TMA16: variants seen among roughly 807,000 people sequenced by gnomAD.
The protein encoded by TMA16 is translation machinery associated 16 homolog.
TMA16 carries 26 observed loss-of-function variants against 27.1 expected under a neutral mutation model. The observed-to-expected ratio is 0.96, with a 90% CI of 0.70 to 1.33. The LOEUF is 1.33. Ranked by LOEUF, TMA16 falls within the 40% of genes most tolerant of loss-of-function variation. TMA16 has a pLI of 0.00. For missense variants in TMA16, 233 were observed against 241.4 expected, an observed-to-expected ratio of 0.97 and a Z score of 0.23; for synonymous variants, 71 against 81.9, an observed-to-expected ratio of 0.87 and a Z score of 0.72.
chr4:163,515,316 C>G lies in TMA16; in HGVS notation c.243C>G (p.Tyr81Ter), dbSNP rs972794391. ...KKDACELIER[Y>*]LNRFSSELEQ... ...AAATCATTTTCGTATTTTTCAGGTA[C>G]TTAAATCGATTCAGCAGTGAGCTGG... The change falls in exon 5 of 7, where the codon TAC becomes TAG. Residue 81 changes from tyrosine to a stop codon, truncating the protein, a stop_gained. Transcript: ENST00000358572. LOFTEE classifies it high-confidence loss of function. The G allele has an allele frequency of 1.2e-6, 2 of 1,605,998 alleles. No homozygotes were observed. The highest frequency in any genetic ancestry group is 1.7e-5 in the Admixed American group (1 of 57,668).
rs746239741 is a variant in TMA16, at chr4:163,515,434, C to T, written c.361C>T (p.Arg121Ter). The change falls in exon 5 of 7, where the codon CGA (arginine) becomes TGA (stop). Residue 121 changes from arginine (R) to a stop codon, truncating the protein, a stop_gained. Transcript: ENST00000358572. LOFTEE classifies it high-confidence loss of function. ...TVIKQTMERE[R>*]QQFEGYGLEI... is the part of the protein sequence containing the mutation. ...CATCAAGCAGACGATGGAGCGGGAG[C>T]GACAGCAGTTTGAGGGATATGGCCT... 13 of 1,613,814 alleles carry T rather than the reference C, an allele frequency of 8.1e-6. No individual in the cohort carries two copies. The highest frequency in any genetic ancestry group is 6.7e-5 in the Admixed American group (4 of 59,976).
chr4:163,499,802 A>T (rs1311348859), intron 1 of TMA16, among the ~76,000 whole-genome samples: 1 of 152,136 alleles, frequency 6.6e-6, no homozygotes, highest in East Asian at 1.9e-4. Flanking sequence ...GAATACCCAG[A>T]TGTGAAGCCT....
chr4:163,509,051 A>T (rs1266185897), intron 2 of TMA16, among the ~76,000 whole-genome samples: 1 of 152,206 alleles, frequency 6.6e-6, no homozygotes, highest in Non-Finnish European at 1.5e-5. Flanking sequence ...ATTTTCAAAA[A>T]GTCACTCTCT....
In TMA16 at chr4:163,494,765, G is replaced by C. The variant is rs1241408414; in HGVS notation, c.-37G>C. 6.2e-7 allele frequency: 1 copy of C among 1,612,968 alleles called. No individual in the cohort carries two copies. The highest frequency in any genetic ancestry group is 8.5e-7 in the Non-Finnish European group (1 of 1,180,026). On this transcript the variant is annotated 5_prime_UTR_variant, in exon 1 of 7. Transcript: ENST00000358572. ...CGGTTGGTGAGATTACCTGGGTCTA[G>C]AGTGCGGAGCTGCTCCGTGGCCACG...
chr4:163,497,502 A>T (rs1397992052), intron 1 of TMA16, among the ~76,000 whole-genome samples: 1 of 152,222 alleles, frequency 6.6e-6, no homozygotes, highest in Admixed American at 6.5e-5. Context: ...CTTAACTGAG[A>T]TAAAATTAAG....
chr4:163,515,619 T>C, intron 5 of TMA16, 158 bp downstream of exon 5: 1 of 852,510 alleles, frequency 1.2e-6, no homozygotes, highest in Non-Finnish European at 1.7e-6. Context: ...TTGGATTCTT[T>C]TTTTTTCCCC....
intron 1 of TMA16, among the ~76,000 whole-genome samples, chr4:163,502,819 A>T (rs1737665745): frequency 6.6e-6 from 1 of 152,148 alleles, no homozygotes; most frequent in Non-Finnish European, 1.5e-5. Flanking sequence ...CTGCAAAAAA[A>T]GTGTAGATTT....
intron 5 of TMA16, 42 bp from the exon 6 acceptor site, chr4:163,517,392 A>G: frequency 1.3e-6 from 2 of 1,542,382 alleles, no homozygotes; most frequent in Non-Finnish European, 1.8e-6. Flanking sequence ...TATGTGATTT[A>G]GAAAACATTG....
intron 1 of TMA16, among the ~76,000 whole-genome samples, chr4:163,503,301 A>C (rs972100291): frequency 6.6e-6 from 1 of 151,576 alleles, no homozygotes; most frequent in Admixed American, 6.6e-5. Context: ...AGTTGTAGGC[A>C]TGGGTTTGGT....
intron 1 of TMA16, 165 bp downstream of exon 1, chr4:163,494,969 C>A (rs995961507): frequency 9.9e-7 from 1 of 1,008,834 alleles, no homozygotes; most frequent in Non-Finnish European, 1.4e-6. Context: ...CTCTGGGAGG[C>A]GAGTCCCAGG....
chr4:163,517,487 C>G lies in TMA16; in HGVS notation c.431+11C>G, dbSNP rs751009473. On this transcript the variant is annotated intron_variant, in intron 6 of 6. Coordinates refer to ENST00000358572, the MANE Select transcript of TMA16 (RefSeq NM_018352.3). ...TCTGAAAACATTTAGGTGAGTCTGT[C>G]TTGTATTGTTCCCCTGAAGCTGTGT... The G allele has an allele frequency of 4.3e-6, 7 of 1,611,962 alleles. No homozygotes were observed. The highest frequency in any genetic ancestry group is 5.9e-6 in the Non-Finnish European group (7 of 1,178,962).
At chr4:163,499,279 G>T (rs1000345619) in intron 1 of TMA16, among the ~76,000 whole-genome samples, 41 of 151,818 alleles carry the variant, frequency 2.7e-4, no homozygotes, top group African/African-American at 9.9e-4. Context: ...TTTGTTTTTA[G>T]CTTGGTTTAT....
intron 2 of TMA16, among the ~76,000 whole-genome samples, chr4:163,508,788 C>T (rs1254107649): frequency 6.6e-6 from 1 of 152,076 alleles, no homozygotes; most frequent in Non-Finnish European, 1.5e-5. Context: ...TCATTGTGAC[C>T]GTGAGCCTAC....
chr4:163,500,701 G>A (rs777438974), intron 1 of TMA16, among the ~76,000 whole-genome samples: 12 of 152,120 alleles, frequency 7.9e-5, no homozygotes, highest in Admixed American at 6.5e-4. Flanking sequence ...TAATCTATTC[G>A]CCTGCTCCTT....
intron 6 of TMA16, among the ~76,000 whole-genome samples, chr4:163,518,318 G>A (rs1737916728): frequency 6.6e-6 from 1 of 152,156 alleles, no homozygotes; most frequent in Non-Finnish European, 1.5e-5. Context: ...CTTCTTGATA[G>A]CAGCCTTGAC....
At chr4:163,497,679 C>T (rs7658704) in intron 1 of TMA16, among the ~76,000 whole-genome samples, 2,545 of 152,290 alleles carry the variant, frequency 0.017, 64 homozygotes, top group African/African-American at 0.057. Flanking sequence ...CTCCTGCCTT[C>T]CTCTTACATG....
At chr4:163,511,044 C>G (rs1382001265) in intron 2 of TMA16, among the ~76,000 whole-genome samples, 7 of 152,170 alleles carry the variant, frequency 4.6e-5, no homozygotes, top group Non-Finnish European at 8.8e-5. Flanking sequence ...GTTAGGTTAA[C>G]ACACTTAAGA....
Position 163,519,428 on chromosome 4 carries a change from A to G in TMA16, c.526A>G (p.Ile176Val), listed in dbSNP as rs1231629259. The G allele has an allele frequency of 7.5e-6, 12 of 1,608,218 alleles. No homozygotes were observed. The highest frequency in any genetic ancestry group is 1.0e-5 in the Non-Finnish European group (12 of 1,178,130). The change falls in exon 7 of 7, where the codon ATT becomes GTT. Residue 176 changes from isoleucine to valine, a missense_variant. By Grantham distance (29) the Ile-to-Val change is conservative (BLOSUM62 3). Transcript: ENST00000358572. ...TCCCAAGACGTGCAAGAGGAAAACTATTATAACTGTAGACCAAGATTTGGG... is the reference window on the plus strand; with the variant it reads ...TCCCAAGACGTGCAAGAGGAAAACTGTTATAACTGTAGACCAAGATTTGGG... ...AIPKTCKRKT[I>V]ITVDQDLGEL...
At chr4:163,511,906 C>T (rs1432375539) in intron 2 of TMA16, among the ~76,000 whole-genome samples, 1 of 151,994 alleles carries the variant, frequency 6.6e-6, no homozygotes, top group Non-Finnish European at 1.5e-5. Context: ...GAGGATAAAT[C>T]TGGTTTGCTT....
Sources: allele counts gnomAD v4.1 joint callset (sites outside exome capture counted in the v4.1 genomes callset), GRCh38; gene constraint gnomAD v4.1.1; transcripts MANE v1.5; gene names NCBI Gene and HGNC (gene_info 2026-07-23, HGNC 2026-07-21).